Variants in LMTK2 observed in about 807,000 individuals in gnomAD.
The protein encoded by LMTK2 is serine/threonine-protein kinase LMTK2.
A neutral mutation model predicts 127.5 loss-of-function variants in LMTK2; 37 were observed. The ratio of observed to expected loss-of-function variants is 0.29; its 90% CI spans 0.22 to 0.38. The LOEUF (loss-of-function observed/expected upper bound fraction) is 0.38. Among genes scored for constraint, LMTK2 ranks in the 10% least tolerant of loss-of-function variants. LMTK2 has a pLI of 1.00. For synonymous variants in LMTK2, 819 were observed against 810.1 expected (o/e 1.01, Z -0.19); for missense variants, 1,694 against 1,920.3 (o/e 0.88, Z 2.20).
chr7:98,114,944 G>C (rs1435276180), intron 1 of LMTK2, among the ~76,000 whole-genome samples: 2 of 152,046 alleles, frequency 1.3e-5, no homozygotes, highest in African/African-American at 4.8e-5. Flanking sequence ...TGGTGAACTT[G>C]AGAGTGTATA....
At position 98,171,473 on chromosome 7, in the gene LMTK2, G is replaced by A. The variant is rs1797189614; in HGVS notation, c.658-68G>A. ...ATCTTAACAGTTAGTGTTCACCGAGGCACGTATTTAAGCGCTCACTTTATT... is the reference window on the plus strand; with the variant it reads ...ATCTTAACAGTTAGTGTTCACCGAGACACGTATTTAAGCGCTCACTTTATT... On this transcript the variant is annotated intron_variant, in intron 6 of 13. Coordinates refer to ENST00000297293, the MANE Select transcript of LMTK2 (RefSeq NM_014916.4). This position sits in a 1 kb window ranked among gnomAD's most constrained non-coding sequence, Gnocchi z 5.1. The A allele has an allele frequency of 1.3e-6, 2 of 1,596,938 alleles. No individual in the cohort carries two copies. The highest frequency in any genetic ancestry group is 3.3e-5 in the Admixed American group (2 of 59,974).
At chr7:98,183,632 C>A (rs1211576532) in intron 7 of LMTK2, among the ~76,000 whole-genome samples, 1 of 152,086 alleles carries the variant, frequency 6.6e-6, no homozygotes, top group Admixed American at 6.5e-5. Flanking sequence ...TCATGTGTTC[C>A]ACCTGCCTCA....
intron 11 of LMTK2, among the ~76,000 whole-genome samples, chr7:98,200,658 A>G (rs1797692384): frequency 6.6e-6 from 1 of 152,236 alleles, no homozygotes; most frequent in South Asian, 2.1e-4. Flanking sequence ...TTTGGATACC[A>G]TAATTAGAGG....
chr7:98,140,143 T>TTTC (rs1287075522), intron 2 of LMTK2, among the ~76,000 whole-genome samples: 24 of 7,274 alleles, frequency 3.3e-3, no homozygotes, highest in African/African-American at 6.9e-3. Context: ...TCTTTCTTTC[T>TTTC]TTTCTTTTCT....
At chr7:98,131,367 C>T (rs1796517821) in intron 1 of LMTK2, among the ~76,000 whole-genome samples, 2 of 152,164 alleles carry the variant, frequency 1.3e-5, no homozygotes, top group Admixed American at 1.3e-4. Flanking sequence ...TTGCCACTCT[C>T]CCTCTCTTCA....
intron 7 of LMTK2, among the ~76,000 whole-genome samples, chr7:98,182,354 A>G (rs1190758438): frequency 6.6e-6 from 1 of 152,252 alleles, no homozygotes; most frequent in Non-Finnish European, 1.5e-5. Flanking sequence ...GAAAAGGGTT[A>G]TATAAAGCAT....
Position 98,192,739 on chromosome 7 carries a change from G to T in LMTK2, c.2274G>T (p.Met758Ile). The change falls in exon 11 of 14, where the codon ATG becomes ATT. Residue 758 changes from methionine to isoleucine, a missense_variant. Met to Ile is a conservative substitution (Grantham distance 10). Coordinates refer to ENST00000297293, the MANE Select transcript of LMTK2 (RefSeq NM_014916.4). Reference sequence around the variant, plus strand: ...AGAATGCTGGTTTTACTGAAGCTATGTTAGAAACGTCATGTAGAAACTCTT... The same window carrying T: ...AGAATGCTGGTTTTACTGAAGCTATTTTAGAAACGTCATGTAGAAACTCTT... ...ELKNAGFTEA[M>I]LETSCRNSLD... The T allele has an allele frequency of 6.2e-7, 1 of 1,613,356 alleles. No homozygotes were observed. The highest frequency in any genetic ancestry group is 1.1e-5 in the South Asian group (1 of 90,970).
Position 98,194,454 on chromosome 7 carries a change from T to C in LMTK2, c.3989T>C (p.Leu1330Pro). The C allele has an allele frequency of 6.2e-7, 1 of 1,614,066 alleles. No individual in the cohort carries two copies. The highest frequency in any genetic ancestry group is 8.5e-7 in the Non-Finnish European group (1 of 1,180,034). ...IILSNEDGRH[L>P]RSLLKPTAAN... is the part of the protein sequence containing the mutation. ...CTCAGCAACGAGGACGGAAGGCACCTGCGGAGTCTGTTGAAGCCCACAGCG... is the reference window on the plus strand; with the variant it reads ...CTCAGCAACGAGGACGGAAGGCACCCGCGGAGTCTGTTGAAGCCCACAGCG... Residue 1330 changes from leucine (L) to proline (P), a missense_variant, in exon 11 of 14, where the codon CTG becomes CCG. Transcript: ENST00000297293. The surrounding 1 kb of genome is among the most constrained non-coding windows in gnomAD (Gnocchi z 5.4).
intron 3 of LMTK2, among the ~76,000 whole-genome samples, chr7:98,141,850 G>A (rs952267957): frequency 2.0e-5 from 3 of 152,158 alleles, no homozygotes; most frequent in South Asian, 4.1e-4. Context: ...TTCTGGCCAC[G>A]GCTGACCTTG....
intron 4 of LMTK2, among the ~76,000 whole-genome samples, chr7:98,154,094 G>T (rs1275691814): frequency 6.6e-6 from 1 of 151,648 alleles, no homozygotes; most frequent in South Asian, 2.1e-4. Context: ...ACCCTTATTC[G>T]CATTTTCATC....
intron 11 of LMTK2, among the ~76,000 whole-genome samples, chr7:98,202,097 T>C (rs1223535657): frequency 6.6e-6 from 1 of 152,174 alleles, no homozygotes; most frequent in Non-Finnish European, 1.5e-5. Context: ...GTTCTGAGGC[T>C]CTGGTCCTTT....
chr7:98,201,343 G>A (rs1291150112), intron 11 of LMTK2, among the ~76,000 whole-genome samples: 1 of 152,088 alleles, frequency 6.6e-6, no homozygotes, highest in Non-Finnish European at 1.5e-5. Context: ...TTCAGATTTT[G>A]GAATATTTGC....
At chr7:98,197,065 T>A (rs142659806) in intron 11 of LMTK2, among the ~76,000 whole-genome samples, 4 of 152,358 alleles carry the variant, frequency 2.6e-5, no homozygotes, top group Non-Finnish European at 5.9e-5. Flanking sequence ...GGCTCCAAAC[T>A]TTTAACTGAG....
intron 1 of LMTK2, among the ~76,000 whole-genome samples, chr7:98,132,149 G>T (rs551699291): frequency 6.6e-6 from 1 of 152,172 alleles, no homozygotes; most frequent in Admixed American, 6.5e-5. Flanking sequence ...CAACCACAAC[G>T]GATGGAAGCC....
In LMTK2 at chr7:98,204,048, T is replaced by C. The variant is rs574649939; in HGVS notation, c.4345T>C (p.Phe1449Leu). ...GCCTTCTCTCCAAACATCCAAGTAC[T>C]TTTCTCCGCCGCCACCGGCCCGGAG... ...SKPSLQTSKY[F>L]SPPPPARSTE... is the part of the protein sequence containing the mutation. The change falls in exon 13 of 14, where the codon TTT becomes CTT. Residue 1449 changes from phenylalanine to leucine, a missense_variant. Transcript: ENST00000297293. The C allele has an allele frequency of 4.3e-6, 7 of 1,613,970 alleles. No homozygotes were observed. The East Asian group carries it at 1.6e-4, about 36-fold the overall frequency.
rs996854008 is a variant in LMTK2 at position 98,141,907 on chromosome 7, T to C, written c.376+366T>C. 3.9e-5 allele frequency among the ~76,000 whole-genome samples: 6 copies of C among 152,232 alleles called. No homozygotes were observed. The South Asian group carries it at 1.2e-3, about 32-fold the overall frequency. On this transcript the variant is annotated intron_variant, in intron 3 of 13. Transcript: ENST00000297293. ...TCCACTGGGATGCCCTGCATTTGGG[T>C]AGGAGAGGAAAGTTTGGATATGTTA...
chr7:98,123,557 A>T lies in LMTK2; in HGVS notation c.104-13758A>T, dbSNP rs57529303. ...TCTTGAGAGGTCTGAAGCTTTTAAG[A>T]CTTCCTATGTGTCTAGATCTGAACA... On this transcript the variant is annotated intron_variant, in intron 1 of 13. Transcript: ENST00000297293. Among the ~76,000 whole-genome samples, 834 of 151,494 alleles carry T rather than the reference A, an allele frequency of 5.5e-3. 11 individuals are homozygous for T. The highest frequency in any genetic ancestry group is 0.02 in the African/African-American group (805 of 41,254).
At chr7:98,170,827 T>C (rs922445216) in intron 6 of LMTK2, among the ~76,000 whole-genome samples, 1 of 152,238 alleles carries the variant, frequency 6.6e-6, no homozygotes, top group African/African-American at 2.4e-5. Context: ...CAGGGAAGTC[T>C]TGGAGGAGGC....
intron 1 of LMTK2, among the ~76,000 whole-genome samples, chr7:98,122,704 GTGTGTGTGTGTGTGTGTGTGTGTA>G (rs1484170751): frequency 3.5e-4 from 1 of 2,866 alleles, no homozygotes; most frequent in East Asian, 0.017. Flanking sequence ...GTGTGTGTGT[GTGTGTGTGTGTGTGTGTGTGTGTA>G]TATATATAAC....
Sources: gnomAD v4.1 joint callset for allele counts (sites outside exome capture counted in the v4.1 genomes callset) on GRCh38, gnomAD v4.1.1 for gene constraint, Gnocchi (gnomAD v3.1) non-coding constraint, MANE v1.5 for transcripts, NCBI Gene and HGNC (gene_info 2026-07-23, HGNC 2026-07-21) for gene names.